Variants in TAOK3 observed in about 807,000 individuals in gnomAD.
TAOK3 encodes TAO kinase 3.
A neutral mutation model predicts 120.4 loss-of-function variants in TAOK3; 40 were observed. The observed-to-expected ratio is 0.33, with a 90% CI of 0.26 to 0.43. The LOEUF (loss-of-function observed/expected upper bound fraction) is 0.43. TAOK3 is among the 20% of genes least tolerant of loss of function. TAOK3 has a pLI of 1.00. For synonymous variants in TAOK3, 355 were observed against 387.5 expected, an observed-to-expected ratio of 0.92 and a Z score of 0.99; for missense variants, 821 against 1,112.1, an observed-to-expected ratio of 0.74 and a Z score of 3.72.
chr12:118,365,674 G>A (rs1001996798), intron 1 of TAOK3, among the ~76,000 whole-genome samples: 4 of 152,152 alleles, frequency 2.6e-5, no homozygotes, highest in Non-Finnish European at 5.9e-5. Flanking sequence ...CCCATTTACT[G>A]AGCATCTTCA....
At chr12:118,281,651 G>A (rs2140423592) in intron 1 of TAOK3, among the ~76,000 whole-genome samples, 1 of 152,012 alleles carries the variant, frequency 6.6e-6, no homozygotes, top group East Asian at 1.9e-4. Context: ...GGGGGTGGTG[G>A]TGGGTACGTG....
At chr12:118,213,480 GTTC>G (rs2038730620) in intron 10 of TAOK3, among the ~76,000 whole-genome samples, 1 of 152,006 alleles carries the variant, frequency 6.6e-6, no homozygotes, top group African/African-American at 2.4e-5. Context: ...CATTTTATCC[GTTC>G]TTCTTTAATA....
chr12:118,355,984 C>T (rs1484241810), intron 1 of TAOK3, among the ~76,000 whole-genome samples: 3 of 152,222 alleles, frequency 2.0e-5, no homozygotes, highest in Non-Finnish European at 4.4e-5. Context: ...TTAAACTATC[C>T]TGCCAATCCC....
intron 19 of TAOK3, among the ~76,000 whole-genome samples, chr12:118,155,993 C>T (rs1026561614): frequency 2.0e-5 from 3 of 152,180 alleles, no homozygotes; most frequent in African/African-American, 7.2e-5. Context: ...CCACAAAGTG[C>T]TGGGATTACA....
In TAOK3 at chr12:118,172,532, G is replaced by A. The variant is rs375300318; in HGVS notation, c.1824C>T (p.Tyr608=). ...GCTTGAAGAAACGACAATTTTTGTC[G>A]TAGTACAGTCTCTGTTGAGTGAGAA... ...AHLLTQQRLY[Y]DKNCRFFKRK... Residue 608 remains tyrosine, a synonymous_variant, in exon 17 of 21, where the codon TAC becomes TAT. Transcript: ENST00000392533. 7.7e-5 allele frequency: 124 copies of A among 1,613,972 alleles called. No individual in the cohort carries two copies. Among genetic ancestry groups the A allele is most frequent in the South Asian group, 4.4e-4 (40 of 91,084 alleles).
At chr12:118,190,254 A>T (rs987608230) in intron 13 of TAOK3, 16 of 215,418 alleles carry the variant, frequency 7.4e-5, no homozygotes, top group Admixed American at 1.1e-4. Flanking sequence ...TCCTTAGAAC[A>T]GTTTGCTTAA....
rs1386874407 is a variant in TAOK3 at position 118,354,957 on chromosome 12, G to A, written c.-194+17691C>T. Among the ~76,000 whole-genome samples, 8 of 152,028 alleles carry A rather than the reference G, an allele frequency of 5.3e-5. No homozygotes were observed. In the East Asian group the frequency reaches 1.5e-3, roughly 29 times the overall value. On this transcript the variant is annotated intron_variant, in intron 1 of 20. Transcript: ENST00000392533. Reference sequence around the variant, plus strand: ...TTTTTTTTAATTAGCTATCTGGGAGGCCAAGGCAGGAGGGTCCCTTGAGTC... The same window carrying A: ...TTTTTTTTAATTAGCTATCTGGGAGACCAAGGCAGGAGGGTCCCTTGAGTC...
chr12:118,252,259 C>T (rs80017233), intron 3 of TAOK3, among the ~76,000 whole-genome samples: 3,094 of 152,276 alleles, frequency 0.02, 107 homozygotes, highest in African/African-American at 0.071. Context: ...GCAAAACAAA[C>T]AGGTCACAAA....
At chr12:118,347,275 A>G (rs2044904861) in intron 1 of TAOK3, among the ~76,000 whole-genome samples, 1 of 152,138 alleles carries the variant, frequency 6.6e-6, no homozygotes, top group African/African-American at 2.4e-5. Flanking sequence ...GGCCTCCCCA[A>G]GTGCTGGGAT....
chr12:118,282,735 A>T (rs954877410), intron 1 of TAOK3, among the ~76,000 whole-genome samples: 1 of 152,160 alleles, frequency 6.6e-6, no homozygotes. Context: ...GACTCTTATC[A>T]TCTTCACAAC....
At chr12:118,233,788 C>T (rs2039891042) in intron 8 of TAOK3, 23 bp from the exon 9 acceptor site, 1 of 1,562,892 alleles carries the variant, frequency 6.4e-7, no homozygotes, top group African/African-American at 1.4e-5. Context: ...AGGTACAAAA[C>T]TCAAGTTGGA....
At chr12:118,202,314 C>T (rs959739616) in intron 11 of TAOK3, among the ~76,000 whole-genome samples, 11 of 151,864 alleles carry the variant, frequency 7.2e-5, no homozygotes, top group Non-Finnish European at 1.2e-4. Context: ...GAGAAAAATG[C>T]TGTGATGAAC....
intron 1 of TAOK3, among the ~76,000 whole-genome samples, chr12:118,301,785 T>C (rs2042889471): frequency 7.0e-6 from 1 of 142,570 alleles, no homozygotes; most frequent in African/African-American, 2.7e-5. Context: ...GAAGTTGCAG[T>C]GAGCTGAGAT....
chr12:118,160,166 C>T lies in TAOK3; in HGVS notation c.2332G>A (p.Glu778Lys). The T allele has an allele frequency of 6.2e-7, 1 of 1,614,134 alleles. No homozygotes were observed. The highest frequency in any genetic ancestry group is 8.5e-7 in the Non-Finnish European group (1 of 1,179,992). Residue 778 changes from glutamate (E) to lysine (K), a missense_variant, in exon 19 of 21, where the codon GAA becomes AAA. Coordinates refer to ENST00000392533, the MANE Select transcript of TAOK3 (RefSeq NM_016281.4). The surrounding 1 kb of genome is among the most constrained non-coding windows in gnomAD (Gnocchi z 4.2). ...CTTACCGCTTGAGAGGCCATCATTTCATTTATACTCTGTTCATACTGCTCT... is the reference window on the plus strand; with the variant it reads ...CTTACCGCTTGAGAGGCCATCATTTTATTTATACTCTGTTCATACTGCTCT... The part of the protein sequence containing the change: ...LAEQYEQSIN[E>K]MMASQALRLD...
intron 1 of TAOK3, among the ~76,000 whole-genome samples, chr12:118,297,971 G>GCT (rs1325790479): frequency 1.3e-5 from 2 of 152,094 alleles, no homozygotes; most frequent in African/African-American, 4.8e-5. Context: ...GTAGAGATGG[G>GCT]CTCTCACTGT....
At chr12:118,192,380 C>A (rs955166159) in intron 13 of TAOK3, among the ~76,000 whole-genome samples, 1 of 152,112 alleles carries the variant, frequency 6.6e-6, no homozygotes, top group African/African-American at 2.4e-5. Context: ...TAGTATAATT[C>A]TTTGCTTCCC....
At chr12:118,308,413 A>G (rs2043131990) in intron 1 of TAOK3, among the ~76,000 whole-genome samples, 1 of 152,240 alleles carries the variant, frequency 6.6e-6, no homozygotes, top group Non-Finnish European at 1.5e-5. Flanking sequence ...CACTTAAAAA[A>G]AAAATTAAAC....
At chr12:118,155,142 C>T (rs971701391) in intron 19 of TAOK3, among the ~76,000 whole-genome samples, 10 of 151,788 alleles carry the variant, frequency 6.6e-5, no homozygotes, top group African/African-American at 1.9e-4. Flanking sequence ...ATTACAGGCA[C>T]GTGCCACCAT....
chr12:118,365,078 G>A (rs976529959), intron 1 of TAOK3, among the ~76,000 whole-genome samples: 7 of 152,166 alleles, frequency 4.6e-5, no homozygotes, highest in Non-Finnish European at 8.8e-5. Context: ...CCAGGGTCAG[G>A]CAGCAGACAT....
Sources: gnomAD v4.1 joint callset for allele counts (sites outside exome capture counted in the v4.1 genomes callset) on GRCh38, gnomAD v4.1.1 for gene constraint, Gnocchi (gnomAD v3.1) non-coding constraint, MANE v1.5 for transcripts, NCBI Gene and HGNC (gene_info 2026-07-23, HGNC 2026-07-21) for gene names.